UBXN2A: variants seen among roughly 807,000 people sequenced by gnomAD.
UBXN2A encodes the protein UBX domain-containing protein 2A.
In UBXN2A, 28 loss-of-function variants were observed where a neutral mutation model predicts 28.4. That is an observed-to-expected ratio of 0.99 (90% CI 0.73 to 1.35). The LOEUF (loss-of-function observed/expected upper bound fraction) is 1.35, where lower values mean the gene tolerates loss of function less well. UBXN2A is among the 40% of genes most tolerant of loss of function. UBXN2A has a pLI of 0.00. For synonymous variants in UBXN2A, 97 were observed against 103.6 expected (o/e 0.94, Z 0.39); for missense variants, 253 against 297.9 (o/e 0.85, Z 1.11).
chr2:23,968,295 C>T (rs998533401), intron 2 of UBXN2A, among the ~76,000 whole-genome samples: 3 of 152,082 alleles, frequency 2.0e-5, no homozygotes, highest in Non-Finnish European at 4.4e-5. Context: ...TGAGTTGGCA[C>T]ATGTAAGGTA....
chr2:23,928,317 T>C (rs1191117774), intron 1 of UBXN2A, among the ~76,000 whole-genome samples: 1 of 152,234 alleles, frequency 6.6e-6, no homozygotes, highest in Non-Finnish European at 1.5e-5. Context: ...GGCTTACGCC[T>C]GTAATCCCAG....
intron 6 of UBXN2A, 76 bp from the exon 7 acceptor site, chr2:23,999,596 T>C (rs1266065559): frequency 6.9e-7 from 1 of 1,442,638 alleles, no homozygotes; most frequent in Non-Finnish European, 9.5e-7. Context: ...CAGATACTTT[T>C]ACCAGTTGTT....
At chr2:23,961,563 T>TTG (rs869224645) in intron 2 of UBXN2A, among the ~76,000 whole-genome samples, 4,970 of 120,510 alleles carry the variant, frequency 0.041, 67 homozygotes, top group Non-Finnish European at 0.058. Flanking sequence ...TTTTTTTTTT[T>TTG]GGTGAGATGA....
At chr2:23,944,136 GTCTTA>G in intron 1 of UBXN2A, 1 of 910,514 alleles carries the variant, frequency 1.1e-6, no homozygotes, top group Non-Finnish European at 1.8e-6. Context: ...GAAAGTTTAA[GTCTTA>G]CTTGGAACTC....
intron 6 of UBXN2A, among the ~76,000 whole-genome samples, chr2:23,993,042 G>T (rs1708408313): frequency 6.6e-6 from 1 of 152,092 alleles, no homozygotes. Context: ...CTCTCTTGAA[G>T]GCATTTCACT....
chr2:23,943,990 C>A, intron 1 of UBXN2A: 1 of 482,926 alleles, frequency 2.1e-6, no homozygotes, highest in South Asian at 1.8e-5. Context: ...AACACAGGTT[C>A]AAACCGTCCC....
chr2:23,958,703 G>T (rs1037757855), intron 2 of UBXN2A, among the ~76,000 whole-genome samples: 3 of 152,110 alleles, frequency 2.0e-5, no homozygotes, highest in Non-Finnish European at 4.4e-5. Context: ...ATAAACCTAG[G>T]CTTGAATCCC....
intron 1 of UBXN2A, among the ~76,000 whole-genome samples, chr2:23,946,514 G>A (rs1424467649): frequency 6.6e-6 from 1 of 151,380 alleles, no homozygotes; most frequent in Non-Finnish European, 1.5e-5. Context: ...ATAGAGACGG[G>A]GTTTCACCAT....
chr2:23,981,602 T>G (rs1366154450), intron 4 of UBXN2A, among the ~76,000 whole-genome samples: 1 of 151,874 alleles, frequency 6.6e-6, no homozygotes, highest in Non-Finnish European at 1.5e-5. Context: ...TTTGTTAAAA[T>G]TTGTCCTTTG....
intron 2 of UBXN2A, among the ~76,000 whole-genome samples, chr2:23,959,986 C>T (rs1706824164): frequency 6.6e-6 from 1 of 152,162 alleles, no homozygotes; most frequent in Admixed American, 6.6e-5. Context: ...GGCGCAGTGC[C>T]TCATGCCTGT....
At chr2:23,975,149 A>G (rs534798794) in intron 3 of UBXN2A, among the ~76,000 whole-genome samples, 1 of 152,308 alleles carries the variant, frequency 6.6e-6, no homozygotes, top group Admixed American at 6.5e-5. Context: ...TATTTTCCAA[A>G]TGAGCAATAT....
chr2:23,991,672 A>C (rs1397802988), intron 6 of UBXN2A, among the ~76,000 whole-genome samples: 1 of 152,006 alleles, frequency 6.6e-6, no homozygotes, highest in African/African-American at 2.4e-5. Flanking sequence ...AGGGTTTGCC[A>C]TGTTGGCCAG....
intron 6 of UBXN2A, among the ~76,000 whole-genome samples, chr2:23,995,562 G>A (rs553655676): frequency 1.6e-4 from 24 of 151,868 alleles, no homozygotes; most frequent in South Asian, 6.3e-4. Flanking sequence ...GCGTGGTAGC[G>A]GGCGTCTGTA....
At chr2:23,946,840 TCAGA>T (rs148103717) in intron 1 of UBXN2A, among the ~76,000 whole-genome samples, 3,317 of 151,884 alleles carry the variant, frequency 0.022, 130 homozygotes, top group African/African-American at 0.076. Context: ...AAAAAAGAAA[TCAGA>T]CAGTCTCCCA....
At chr2:23,976,635 G>A (rs549728091) in intron 3 of UBXN2A, among the ~76,000 whole-genome samples, 3 of 152,056 alleles carry the variant, frequency 2.0e-5, no homozygotes, top group South Asian at 2.1e-4. Context: ...TGGGAAACAC[G>A]GGCCCCCGTG....
chr2:24,002,871 A>G lies in UBXN2A; in HGVS notation c.*3004A>G, dbSNP rs1255069553. On this transcript the variant is annotated 3_prime_UTR_variant, in exon 7 of 7. Coordinates refer to ENST00000309033, the MANE Select transcript of UBXN2A (RefSeq NM_181713.4). ...TGTAGACTCTGGAAAACACCTCTGT[A>G]TACTGGTGAAAGAATGAAAAGAAGC... 6 of 152,200 alleles carry G rather than the reference A, an allele frequency of 3.9e-5. No individual in the cohort carries two copies. The highest frequency in any genetic ancestry group is 1.4e-4 in the African/African-American group (6 of 41,444). The allele number at this position is 152,200 out of a possible 1,614,324, so 9.4% of individuals were successfully genotyped here. A position where few individuals can be genotyped will look rare whatever the true frequency, so the allele number is the denominator to read the frequency against.
intron 6 of UBXN2A, among the ~76,000 whole-genome samples, chr2:23,999,281 TTAAC>T (rs1245810977): frequency 2.0e-5 from 3 of 152,226 alleles, no homozygotes; most frequent in Non-Finnish European, 4.4e-5. Context: ...CCTAAGATAA[TTAAC>T]AGTAGTAATT....
Position 23,971,536 on chromosome 2 carries a change from T to A in UBXN2A, c.180+122T>A, listed in dbSNP as rs1707422356. On this transcript the variant is annotated intron_variant, in intron 3 of 6. Coordinates refer to ENST00000309033, the MANE Select transcript of UBXN2A (RefSeq NM_181713.4). ...CAAGGTCTTTCTCTGTCACCCAGACTGGAGTGCAGTGGCTCGATCTTAGCC... is the reference window on the plus strand; with the variant it reads ...CAAGGTCTTTCTCTGTCACCCAGACAGGAGTGCAGTGGCTCGATCTTAGCC... The A allele has an allele frequency of 4.6e-6, 5 of 1,084,730 alleles. No individual in the cohort carries two copies. In the South Asian group the frequency reaches 1.2e-4, roughly 27 times the overall value. 67.2% of individuals were successfully genotyped at this position (1,084,730 alleles called of 1,614,324 possible). A position where few individuals can be genotyped will look rare whatever the true frequency, so the allele number is the denominator to read the frequency against.
At chr2:23,955,267 T>A (rs1706566689) in intron 1 of UBXN2A, among the ~76,000 whole-genome samples, 1 of 152,158 alleles carries the variant, frequency 6.6e-6, no homozygotes, top group African/African-American at 2.4e-5. Flanking sequence ...TTTTCTTGAT[T>A]CAGCATTCCC....
Sources: allele counts gnomAD v4.1 joint callset (sites outside exome capture counted in the v4.1 genomes callset), GRCh38; gene constraint gnomAD v4.1.1; transcripts MANE v1.5; gene names NCBI Gene and HGNC (gene_info 2026-07-23, HGNC 2026-07-21).